MACROD2: variants seen among roughly 807,000 people sequenced by gnomAD.
MACROD2 encodes the protein ADP-ribose glycohydrolase MACROD2.
In MACROD2, 36 loss-of-function variants were observed where a neutral mutation model predicts 70.4. The observed-to-expected ratio is 0.51, with a 90% CI of 0.39 to 0.68. MACROD2 has a LOEUF of 0.68. Ranked by LOEUF, MACROD2 falls within the 30% of genes least tolerant of loss-of-function variation. MACROD2 has a pLI of 0.00. For synonymous variants in MACROD2, 172 were observed against 178.8 expected, an observed-to-expected ratio of 0.96 and a Z score of 0.30; for missense variants, 496 against 538.4, an observed-to-expected ratio of 0.92 and a Z score of 0.78.
intron 5 of MACROD2, among the ~76,000 whole-genome samples, chr20:15,072,677 G>C (rs1431200105): frequency 6.6e-6 from 1 of 152,084 alleles, no homozygotes; most frequent in African/African-American, 2.4e-5. Flanking sequence ...TAGCCATCCT[G>C]CTATATAATC....
At chr20:15,114,530 A>G (rs1310833577) in intron 5 of MACROD2, among the ~76,000 whole-genome samples, 5 of 152,136 alleles carry the variant, frequency 3.3e-5, no homozygotes, top group Non-Finnish European at 4.4e-5. Flanking sequence ...AAGGACTCTT[A>G]TTGACAGTCA....
intron 10 of MACROD2, among the ~76,000 whole-genome samples, chr20:15,902,407 A>T (rs896942196): frequency 3.9e-5 from 6 of 152,010 alleles, no homozygotes; most frequent in African/African-American, 1.5e-4. Context: ...GGCATTGGGG[A>T]TTGGCAGATA....
At chr20:14,169,468 C>G (rs1440110748) in intron 3 of MACROD2, among the ~76,000 whole-genome samples, 2 of 141,346 alleles carry the variant, frequency 1.4e-5, no homozygotes, top group Non-Finnish European at 3.1e-5. Context: ...CCACGCCAAG[C>G]TAATTTTGTA....
chr20:14,384,612 A>G (rs922814845), intron 3 of MACROD2, among the ~76,000 whole-genome samples: 1 of 152,166 alleles, frequency 6.6e-6, no homozygotes, highest in African/African-American at 2.4e-5. Context: ...CCAAGTGTAA[A>G]TGGAGTCTGA....
chr20:14,911,653 G>A (rs75410409), intron 5 of MACROD2, among the ~76,000 whole-genome samples: 1,535 of 152,142 alleles, frequency 0.01, 37 homozygotes, highest in African/African-American at 0.035. Flanking sequence ...GATTGCAGAT[G>A]TGAGCCACCA....
At chr20:15,770,089 C>CTTTT (rs1156897064) in intron 8 of MACROD2, among the ~76,000 whole-genome samples, 3 of 44,384 alleles carry the variant, frequency 6.8e-5, no homozygotes, top group Admixed American at 2.7e-4. Context: ...TTTTAATTTT[C>CTTTT]TTTTTTTTTT....
chr20:15,108,997 A>T (rs75551093), intron 5 of MACROD2, among the ~76,000 whole-genome samples: 2,985 of 152,292 alleles, frequency 0.02, 110 homozygotes, highest in African/African-American at 0.068. Flanking sequence ...AGGATCAGCC[A>T]ACTAAAGCCT....
intron 3 of MACROD2, among the ~76,000 whole-genome samples, chr20:14,469,253 G>A (rs1039482626): frequency 2.0e-5 from 3 of 152,058 alleles, no homozygotes; most frequent in South Asian, 2.1e-4. Context: ...TTGAATATTG[G>A]CCCCCACTCT....
chr20:15,760,586 A>C (rs375978119), intron 8 of MACROD2, among the ~76,000 whole-genome samples: 1 of 152,154 alleles, frequency 6.6e-6, no homozygotes, highest in Non-Finnish European at 1.5e-5. Flanking sequence ...GGAATAGGTC[A>C]TGCATCTCTG....
At chr20:14,788,627 T>G (rs2072405122) in intron 5 of MACROD2, among the ~76,000 whole-genome samples, 1 of 151,286 alleles carries the variant, frequency 6.6e-6, no homozygotes, top group Non-Finnish European at 1.5e-5. Flanking sequence ...AACATTCTGA[T>G]TATTTACTTT....
At chr20:15,342,752 A>C (rs898522343) in intron 6 of MACROD2, among the ~76,000 whole-genome samples, 2 of 152,158 alleles carry the variant, frequency 1.3e-5, no homozygotes, top group Non-Finnish European at 2.9e-5. Context: ...GAAAAGAGTG[A>C]AAGTGGGGAG....
intron 5 of MACROD2, among the ~76,000 whole-genome samples, chr20:15,023,781 C>T (rs2075208840): frequency 6.6e-6 from 1 of 152,090 alleles, no homozygotes; most frequent in Non-Finnish European, 1.5e-5. Flanking sequence ...CGTGGGAATT[C>T]TGGGGGCTGC....
chr20:15,193,586 T>C (rs2076585827), intron 5 of MACROD2, among the ~76,000 whole-genome samples: 1 of 152,058 alleles, frequency 6.6e-6, no homozygotes, highest in Admixed American at 6.6e-5. Flanking sequence ...AGTTTGAGAC[T>C]GCAGTGAGCC....
At chr20:14,850,106 C>G (rs763535208) in intron 5 of MACROD2, 1 of 423,410 alleles carries the variant, frequency 2.4e-6, no homozygotes, top group Non-Finnish European at 4.6e-6. Context: ...GATGGAGAGC[C>G]ATAGTTTAAA....
intron 5 of MACROD2, among the ~76,000 whole-genome samples, chr20:15,179,568 C>G (rs1329962503): frequency 1.3e-5 from 2 of 152,182 alleles, no homozygotes; most frequent in Non-Finnish European, 2.9e-5. Flanking sequence ...GCTTACAAGA[C>G]AGCTCTCTTC....
intron 4 of MACROD2, among the ~76,000 whole-genome samples, chr20:14,605,069 C>A (rs1219486963): frequency 3.3e-5 from 5 of 152,168 alleles, no homozygotes; most frequent in Non-Finnish European, 7.4e-5. Context: ...ACACTTTAAT[C>A]TCTTCAATTC....
intron 3 of MACROD2, among the ~76,000 whole-genome samples, chr20:14,139,285 C>G (rs1180586578): frequency 6.6e-6 from 1 of 152,192 alleles, no homozygotes; most frequent in Admixed American, 6.5e-5. Context: ...CCATTCCGCC[C>G]AGCCGCCCTT....
chr20:14,962,377 C>A (rs919898822), intron 5 of MACROD2, among the ~76,000 whole-genome samples: 1 of 151,864 alleles, frequency 6.6e-6, no homozygotes, highest in Non-Finnish European at 1.5e-5. Context: ...TAGCTCACTG[C>A]ATCCTTGACC....
chr20:15,277,535 T>C (rs2077404503), intron 6 of MACROD2, among the ~76,000 whole-genome samples: 1 of 152,228 alleles, frequency 6.6e-6, no homozygotes, highest in South Asian at 2.1e-4. Context: ...GAATCACCTG[T>C]GATCTTGTGA....
Sources: gnomAD v4.1 joint callset for allele counts (sites outside exome capture counted in the v4.1 genomes callset) on GRCh38, gnomAD v4.1.1 for gene constraint, MANE v1.5 for transcripts, NCBI Gene and HGNC (gene_info 2026-07-23, HGNC 2026-07-21) for gene names.